MICU3: variants seen among roughly 807,000 people sequenced by gnomAD.
MICU3 encodes the protein mitochondrial calcium uptake 3, also known as calcium uptake protein 3, mitochondrial.
MICU3 carries 62 observed loss-of-function variants against 66.5 expected under a neutral mutation model. The ratio of observed to expected loss-of-function variants is 0.93; its 90% CI spans 0.76 to 1.15. The LOEUF is 1.15. MICU3 is among the 50% of genes most tolerant of loss of function. MICU3 has a pLI of 0.00. For synonymous variants in MICU3, 308 were observed against 240.7 expected (o/e 1.28, Z -2.59); for missense variants, 779 against 664.4 (o/e 1.17, Z -1.90).
At chr8:17,119,522 A>T (rs1585585751) in intron 14 of MICU3, among the ~76,000 whole-genome samples, 1 of 133,712 alleles carries the variant, frequency 7.5e-6, no homozygotes, top group East Asian at 2.1e-4. Flanking sequence ...TGTTTTTCTC[A>T]AGCTTGAAGC....
intron 7 of MICU3, among the ~76,000 whole-genome samples, chr8:17,087,972 C>CT: frequency 6.6e-6 from 1 of 152,132 alleles, no homozygotes; most frequent in Admixed American, 6.5e-5. Flanking sequence ...ATTCAGATAA[C>CT]TAACTTCAGA....
In MICU3 at chr8:17,064,899, A is replaced by C. The variant is rs188174205; in HGVS notation, c.535+662A>C. Reference sequence around the variant, plus strand: ...GTACTCTCCTTTGATACTGTATCACAATTGGCTGGTGGTAGTTGCAGCTTC... The same window carrying C: ...GTACTCTCCTTTGATACTGTATCACCATTGGCTGGTGGTAGTTGCAGCTTC... On this transcript the variant is annotated intron_variant, in intron 2 of 14. Coordinates refer to ENST00000318063, the MANE Select transcript of MICU3 (RefSeq NM_181723.3). Among the ~76,000 whole-genome samples the C allele has an allele frequency of 2.6e-3, 390 of 152,236 alleles. 6 individuals carry two copies. The highest frequency in any genetic ancestry group is 8.9e-3 in the South Asian group (43 of 4,822).
At chr8:17,045,537 A>C (rs1338864592) in intron 1 of MICU3, among the ~76,000 whole-genome samples, 3 of 152,214 alleles carry the variant, frequency 2.0e-5, no homozygotes, top group African/African-American at 7.2e-5. Context: ...AAGTCCCGAT[A>C]AAAAGACCCA....
intron 3 of MICU3, among the ~76,000 whole-genome samples, chr8:17,071,261 G>A (rs1329806399): frequency 6.6e-6 from 1 of 152,114 alleles, no homozygotes; most frequent in African/African-American, 2.4e-5. Flanking sequence ...TTTAACACCA[G>A]ACATTTATTT....
intron 1 of MICU3, among the ~76,000 whole-genome samples, chr8:17,053,128 A>G (rs1170099812): frequency 1.3e-5 from 2 of 152,162 alleles, no homozygotes; most frequent in African/African-American, 2.4e-5. Context: ...AATACAAATG[A>G]TTTTAATTCT....
intron 5 of MICU3, 129 bp from the exon 6 acceptor site, chr8:17,085,107 T>G (rs1177056094): frequency 1.4e-5 from 7 of 514,810 alleles, no homozygotes; most frequent in Middle Eastern, 7.7e-4. Flanking sequence ...CAGAAATATA[T>G]ATACTTTTAT....
rs555259881 is a variant in MICU3 at position 17,069,517 on chromosome 8, G to A, written c.536-171G>A. Among the ~76,000 whole-genome samples, 21 of 152,030 alleles carry A rather than the reference G, an allele frequency of 1.4e-4. 1 individual carries two copies. In the South Asian group the frequency reaches 4.4e-3, roughly 32 times the overall value. On this transcript the variant is annotated intron_variant, in intron 2 of 14. Coordinates refer to ENST00000318063, the MANE Select transcript of MICU3 (RefSeq NM_181723.3). ...GTGCATAGTATATATGAAGCAAATA[G>A]ATAACATATATAAGATCATATCACA...
chr8:17,040,296 C>A (rs1217111019), intron 1 of MICU3, among the ~76,000 whole-genome samples: 1 of 152,184 alleles, frequency 6.6e-6, no homozygotes, highest in East Asian at 1.9e-4. Context: ...AGTCTTGTAT[C>A]TCAAAAGATT....
Position 17,116,587 on chromosome 8 carries a change from A to G in MICU3, c.1511A>G (p.His504Arg), listed in dbSNP as rs749009081. 1.1e-5 allele frequency: 17 copies of G among 1,560,940 alleles called. No homozygotes were observed. Among genetic ancestry groups the G allele is most frequent in the African/African-American group, 2.8e-5 (2 of 71,228 alleles). The change falls in exon 13 of 15, where the codon CAT becomes CGT. Residue 504 changes from histidine to arginine, a missense_variant. By Grantham distance (29) the His-to-Arg change is conservative (BLOSUM62 0). Coordinates refer to ENST00000318063, the MANE Select transcript of MICU3 (RefSeq NM_181723.3). ...ATTGGAATTATGAAAGACAGACTCC[A>G]TAGAGGATTCCGGGTAAACCTACAC... is the stretch of plus-strand genomic sequence containing the variant. ...EFIGIMKDRLHRGFRGYKTVQ... is the reference protein window; with the variant it reads ...EFIGIMKDRLRRGFRGYKTVQ...
At position 17,031,262 on chromosome 8, in the gene MICU3, TTTATTATTA is replaced by T. The variant is rs60712856; in HGVS notation, c.381+3635_381+3643del. On this transcript the variant is annotated intron_variant, in intron 1 of 14. Transcript: ENST00000318063. ...ATTTTAAACCTATGCTGCCACTTCA[TTTATTATTA>T]TTATTATTATTATTATTATTATTAT... Among the ~76,000 whole-genome samples the T allele has an allele frequency of 1.8e-3, 256 of 139,182 alleles. 1 individual carries two copies. The highest frequency in any genetic ancestry group is 5.2e-3 in the African/African-American group (193 of 37,066). 91.3% of individuals were successfully genotyped at this position (139,182 alleles called of 152,430 possible).
chr8:17,067,390 T>G (rs1343192766), intron 2 of MICU3, among the ~76,000 whole-genome samples: 3 of 152,108 alleles, frequency 2.0e-5, no homozygotes, highest in African/African-American at 7.2e-5. Context: ...CATTTAATAT[T>G]GGTATGTCAT....
chr8:17,103,576 AGAAG>A (rs35799459), intron 9 of MICU3, among the ~76,000 whole-genome samples: 5,909 of 150,810 alleles, frequency 0.039, 408 homozygotes, highest in African/African-American at 0.14. Context: ...GGCCAACTGG[AGAAG>A]GAAGGAAGGA....
intron 1 of MICU3, among the ~76,000 whole-genome samples, chr8:17,061,997 A>G (rs1817902664): frequency 1.3e-5 from 2 of 152,160 alleles, no homozygotes; most frequent in African/African-American, 4.8e-5. Context: ...TTATGTTTCT[A>G]AAGCACCATT....
chr8:17,127,649 T>C, the MICU3 span, among the ~76,000 whole-genome samples: 1 of 152,214 alleles, frequency 6.6e-6, no homozygotes, highest in Non-Finnish European at 1.5e-5. Context: ...TAGTGATAAA[T>C]TGCCACATAA....
intron 1 of MICU3, among the ~76,000 whole-genome samples, chr8:17,036,720 G>C (rs997963300): frequency 1.3e-5 from 2 of 152,200 alleles, no homozygotes; most frequent in East Asian, 1.9e-4. Flanking sequence ...GACTCTCCAC[G>C]TCCCCACCAG....
intron 11 of MICU3, among the ~76,000 whole-genome samples, chr8:17,106,599 A>G (rs527876880): frequency 6.0e-4 from 90 of 150,032 alleles, no homozygotes; most frequent in African/African-American, 2.1e-3. Flanking sequence ...TCTGTAACTT[A>G]AAAGGTTAAG....
rs577034667 is a variant in MICU3 at position 17,120,435 on chromosome 8, C to T, written c.*148C>T. Reference sequence around the variant, plus strand: ...TATGAAATTGATATTTTTTCTGGAACTGAATTCTTAAACATAAAACAGATA... The same window carrying T: ...TATGAAATTGATATTTTTTCTGGAATTGAATTCTTAAACATAAAACAGATA... On this transcript the variant is annotated 3_prime_UTR_variant, in exon 15 of 15. Coordinates refer to ENST00000318063, the MANE Select transcript of MICU3 (RefSeq NM_181723.3). 1.3e-5 allele frequency: 2 copies of T among 152,086 alleles called. No individual in the cohort carries two copies. Among genetic ancestry groups the T allele is most frequent in the East Asian group, 1.9e-4 (1 of 5,178 alleles). The allele number at this position is 152,086 out of a possible 1,614,324, so 9.4% of individuals were successfully genotyped here.
chr8:17,094,162 A>G (rs1212188570), intron 8 of MICU3, among the ~76,000 whole-genome samples: 1 of 151,942 alleles, frequency 6.6e-6, no homozygotes, highest in East Asian at 1.9e-4. Context: ...TGTTATATGA[A>G]TGTTTCTGTC....
At chr8:17,111,928 C>T (rs993574814) in intron 11 of MICU3, among the ~76,000 whole-genome samples, 5 of 152,060 alleles carry the variant, frequency 3.3e-5, no homozygotes, top group South Asian at 2.1e-4. Flanking sequence ...ACAATCATGG[C>T]GGAAGGCAAA....
Sources: gnomAD v4.1 joint callset for allele counts (sites outside exome capture counted in the v4.1 genomes callset) on GRCh38, gnomAD v4.1.1 for gene constraint, MANE v1.5 for transcripts, NCBI Gene and HGNC (gene_info 2026-07-23, HGNC 2026-07-21) for gene names.